The following PUS10 variants were observed in gnomAD, a reference collection of about 807,000 sequenced individuals.
PUS10 encodes the protein pseudouridine synthase 10.
Under a neutral mutation model 75.0 loss-of-function variants are expected in PUS10, and 59 were observed. That is an observed-to-expected ratio of 0.79 (90% confidence interval 0.64 to 0.98). The LOEUF (loss-of-function observed/expected upper bound fraction) is 0.98, where lower values mean the gene tolerates loss of function less well. PUS10 is among the 50% of genes least tolerant of loss of function. The probability of loss-of-function intolerance (pLI) is 0.00; values close to 1 mark genes in which losing one functional copy is unlikely to be tolerated. For synonymous variants in PUS10, 219 were observed against 211.6 expected, an observed-to-expected ratio of 1.03 and a Z score of -0.30; for missense variants, 650 against 614.4, an observed-to-expected ratio of 1.06 and a Z score of -0.61.
At chr2:60,955,846 C>G (rs1227343247) in intron 11 of PUS10, among the ~76,000 whole-genome samples, 2 of 151,972 alleles carry the variant, frequency 1.3e-5, no homozygotes, top group African/African-American at 4.8e-5. Flanking sequence ...TGGCCATAAG[C>G]GTATGGTGAA....
At chr2:60,967,248 C>A in intron 6 of PUS10, 2 of 315,050 alleles carry the variant, frequency 6.3e-6, no homozygotes, top group Non-Finnish European at 1.2e-5. Context: ...TCATTTCTAA[C>A]CTTTTAAGGT....
intron 11 of PUS10, among the ~76,000 whole-genome samples, chr2:60,957,495 C>T (rs767512904): frequency 7.2e-5 from 11 of 152,228 alleles, no homozygotes; most frequent in Non-Finnish European, 1.5e-4. Flanking sequence ...CTACCTGTCA[C>T]GGCCTGTGTA....
At chr2:60,998,271 T>G (rs147619993) in intron 4 of PUS10, among the ~76,000 whole-genome samples, 1 of 152,310 alleles carries the variant, frequency 6.6e-6, no homozygotes, top group Non-Finnish European at 1.5e-5. Context: ...ATGTGCATTT[T>G]TAGGACAAAG....
At chr2:60,964,319 A>C (rs182778275) in intron 8 of PUS10, among the ~76,000 whole-genome samples, 1 of 152,370 alleles carries the variant, frequency 6.6e-6, no homozygotes, top group Non-Finnish European at 1.5e-5. Context: ...ACAGATGTAC[A>C]TTTGACAATG....
chr2:60,940,675 A>G lies in PUS10; in HGVS notation c.*1720T>C, dbSNP rs558199227. 2.1e-4 allele frequency: 32 copies of G among 152,360 alleles called. No individual in the cohort carries two copies. The highest frequency in any genetic ancestry group is 4.1e-4 in the Non-Finnish European group (28 of 68,016). 9.4% of individuals were successfully genotyped at this position (152,360 alleles called of 1,614,324 possible). On this transcript the variant is annotated 3_prime_UTR_variant, in exon 18 of 18. Transcript: ENST00000316752. Reference sequence around the variant, plus strand: ...CACATTCTTCATTCTTACATATTACAGGTCCACTAGATTCAAAGGTAAGCC... The same window carrying G: ...CACATTCTTCATTCTTACATATTACGGGTCCACTAGATTCAAAGGTAAGCC...
chr2:60,962,864 C>T lies in PUS10; in HGVS notation c.750G>A (p.Met250Ile), dbSNP rs186159457. ...KQSVFTRMAV[M>I]KALNKIKEED... ...CTTCCTTTATCTTATTCAAGGCTTT[C>T]ATAACTGCCATTCTAGTGAATACAG... Residue 250 changes from methionine to isoleucine, a missense_variant, in exon 9 of 18, where the codon ATG becomes ATA. Met to Ile is a conservative substitution (Grantham distance 10). Transcript: ENST00000316752. 2.5e-4 allele frequency: 398 copies of T among 1,569,826 alleles called. 3 individuals are homozygous for T. The South Asian group carries it at 4.4e-3, about 17-fold the overall frequency.
At chr2:60,949,666 T>G (rs1675216072) in intron 15 of PUS10, among the ~76,000 whole-genome samples, 1 of 152,226 alleles carries the variant, frequency 6.6e-6, no homozygotes, top group South Asian at 2.1e-4. Context: ...TTTTATAATT[T>G]TTATGCCAAC....
At chr2:60,967,198 G>T (rs1050749798) in intron 6 of PUS10, 1 of 254,070 alleles carries the variant, frequency 3.9e-6, no homozygotes, top group African/African-American at 2.9e-5. Flanking sequence ...TTTATATGTT[G>T]CTTTGCATCA....
intron 15 of PUS10, among the ~76,000 whole-genome samples, chr2:60,952,353 GA>G (rs1294552768): frequency 7.2e-5 from 10 of 139,246 alleles, no homozygotes; most frequent in Admixed American, 4.3e-4. Flanking sequence ...AAAAAAAAAA[GA>G]AAAAAAGAAA....
intron 1 of PUS10, 95 bp downstream of exon 1, chr2:61,017,913 C>G: frequency 6.8e-7 from 1 of 1,469,546 alleles, no homozygotes; most frequent in South Asian, 1.2e-5. Context: ...TGGCAGGAGG[C>G]GGTTGTAGCG....
intron 5 of PUS10, among the ~76,000 whole-genome samples, chr2:60,970,659 G>A (rs557217128): frequency 2.8e-4 from 43 of 151,924 alleles, no homozygotes; most frequent in Admixed American, 4.6e-4. Flanking sequence ...CTGGGCGGGG[G>A]AGGGGACGGA....
At chr2:60,963,768 A>G (rs990605109) in intron 8 of PUS10, among the ~76,000 whole-genome samples, 9 of 152,202 alleles carry the variant, frequency 5.9e-5, no homozygotes, top group African/African-American at 2.2e-4. Context: ...AAATCTCAAA[A>G]AGTCATTCAA....
At chr2:60,971,797 C>T (rs1472680471) in intron 4 of PUS10, among the ~76,000 whole-genome samples, 2 of 151,938 alleles carry the variant, frequency 1.3e-5, no homozygotes, top group Non-Finnish European at 2.9e-5. Context: ...CGGGGTATCC[C>T]CCTCCTCCTT....
At chr2:60,996,362 G>T (rs1048786951) in intron 4 of PUS10, among the ~76,000 whole-genome samples, 1 of 152,120 alleles carries the variant, frequency 6.6e-6, no homozygotes, top group African/African-American at 2.4e-5. Context: ...ACACATCCTA[G>T]TAGTGTATCA....
chr2:61,017,756 G>C, intron 1 of PUS10: 2 of 1,549,236 alleles, frequency 1.3e-6, no homozygotes, highest in African/African-American at 1.4e-5. Flanking sequence ...AGGAGGCGGA[G>C]GAGATGGCGT....
At chr2:61,015,722 T>C (rs1679929808) in intron 1 of PUS10, among the ~76,000 whole-genome samples, 2 of 152,026 alleles carry the variant, frequency 1.3e-5, no homozygotes, top group Admixed American at 1.3e-4. Flanking sequence ...ATAAGATCTG[T>C]GTGGTCAAGG....
chr2:60,965,044 G>C lies in PUS10; in HGVS notation c.723+14C>G, dbSNP rs200486736. 1.2e-5 allele frequency: 19 copies of C among 1,612,262 alleles called. No individual in the cohort carries two copies. The African/African-American group carries it at 2.4e-4, about 20-fold the overall frequency. ...AAACTCACTCAAGACTAAGAAGCGGGAACCTTTCCTTACCTGTTTGTTTTT... is the reference window on the plus strand; with the variant it reads ...AAACTCACTCAAGACTAAGAAGCGGCAACCTTTCCTTACCTGTTTGTTTTT... On this transcript the variant is annotated intron_variant, in intron 8 of 17. Coordinates refer to ENST00000316752, the MANE Select transcript of PUS10 (RefSeq NM_144709.4).
At chr2:60,996,807 A>G (rs916643978) in intron 4 of PUS10, among the ~76,000 whole-genome samples, 5 of 152,130 alleles carry the variant, frequency 3.3e-5, no homozygotes, top group Non-Finnish European at 7.4e-5. Context: ...CTTCTTTCCA[A>G]TCTACAGATA....
In PUS10 at chr2:61,006,621, G is replaced by GT. The variant is rs1679228756; in HGVS notation, c.403_404insA (p.Ser135TyrfsTer4). 1.2e-6 allele frequency: 2 copies of GT among 1,612,940 alleles called. No homozygotes were observed. Among genetic ancestry groups the GT allele is most frequent in the South Asian group, 1.1e-5 (1 of 90,836 alleles). ...TACCAAGCTGGTGAATTCAAACCCA[G>GT]AGGCCTCAACCTTTTGGCACACCTG... On this transcript the variant is annotated frameshift_variant, in exon 4 of 18. Transcript: ENST00000316752. LOFTEE classifies it high-confidence loss of function.
Sources: allele counts gnomAD v4.1 joint callset (sites outside exome capture counted in the v4.1 genomes callset), GRCh38; gene constraint gnomAD v4.1.1; transcripts MANE v1.5; gene names NCBI Gene and HGNC (gene_info 2026-07-23, HGNC 2026-07-21).